The following TMEM242 variants were observed in gnomAD, a reference collection of about 807,000 sequenced individuals.
TMEM242 encodes UPF0463 transmembrane protein C6orf35.
Under a neutral mutation model 18.2 loss-of-function variants are expected in TMEM242, and 10 were observed. The ratio of observed to expected loss-of-function variants is 0.55; its 90% CI spans 0.34 to 0.93. The LOEUF (loss-of-function observed/expected upper bound fraction) is 0.93, where lower values mean the gene tolerates loss of function less well. Ranked by LOEUF, TMEM242 falls within the 40% of genes least tolerant of loss-of-function variation. TMEM242 has a pLI of 0.02. For missense variants in TMEM242, 186 were observed against 175.5 expected (o/e 1.06, Z -0.34); for synonymous variants, 57 against 69.9 (o/e 0.81, Z 0.92).
At chr6:157,319,419 T>C (rs1778458481) in intron 2 of TMEM242, among the ~76,000 whole-genome samples, 1 of 152,218 alleles carries the variant, frequency 6.6e-6, no homozygotes, top group Non-Finnish European at 1.5e-5. Flanking sequence ...GACTGATGTA[T>C]AAATGCAGGA....
intron 3 of TMEM242, among the ~76,000 whole-genome samples, chr6:157,311,117 C>T (rs1554248611): frequency 1.3e-5 from 2 of 150,254 alleles, no homozygotes; most frequent in East Asian, 1.9e-4. Flanking sequence ...AGTGTGCACT[C>T]ACCTAGCCCC....
chr6:157,311,410 T>G (rs75588594), intron 3 of TMEM242, among the ~76,000 whole-genome samples: 1 of 14,832 alleles, frequency 6.7e-5, no homozygotes, highest in East Asian at 2.1e-3. Context: ...ATCATAGTGT[T>G]CCAGTGTGCA....
intron 3 of TMEM242, among the ~76,000 whole-genome samples, chr6:157,311,291 G>T (rs797043236): frequency 0.013 from 47 of 3,500 alleles, 1 homozygote; most frequent in East Asian, 0.042. Flanking sequence ...TGCACACACC[G>T]AGCCTCATTA....
intron 3 of TMEM242, among the ~76,000 whole-genome samples, chr6:157,312,082 CAT>C (rs1554249102): frequency 1.1e-4 from 11 of 102,116 alleles, no homozygotes; most frequent in East Asian, 3.1e-4. Flanking sequence ...CTAGCCTCAA[CAT>C]AGTGCCCTAG....
At position 157,321,011 on chromosome 6, in the gene TMEM242, T is replaced by C. The variant is rs201784713; in HGVS notation, c.189+1694A>G. On this transcript the variant is annotated intron_variant, in intron 2 of 3. Coordinates refer to ENST00000400788, the MANE Select transcript of TMEM242 (RefSeq NM_018452.6). The stretch of plus-strand genomic sequence containing the variant: ...TATTTCCCATTTCTTTTTTTTTTTT[T>C]CTTTTTTTTTTTTTTGAGACGGAGT... 1.9e-3 allele frequency among the ~76,000 whole-genome samples: 271 copies of C among 142,894 alleles called. 1 individual carries two copies. The highest frequency in any genetic ancestry group is 7.1e-3 in the Admixed American group (101 of 14,284). The allele number at this position is 142,894 out of a possible 152,430, so 93.7% of individuals were successfully genotyped here. A position where few individuals can be genotyped will look rare whatever the true frequency, so the allele number is the denominator to read the frequency against.
intron 3 of TMEM242, among the ~76,000 whole-genome samples, chr6:157,310,815 T>A (rs1554248460): frequency 2.0e-5 from 3 of 151,448 alleles, no homozygotes; most frequent in African/African-American, 7.3e-5. Flanking sequence ...GGTCCCAGTG[T>A]GCACTCACCC....
chr6:157,310,647 C>T (rs1562382046), intron 3 of TMEM242, among the ~76,000 whole-genome samples: 3 of 149,984 alleles, frequency 2.0e-5, no homozygotes, highest in Admixed American at 6.6e-5. Context: ...TCCCAGTGTT[C>T]GCTCACCCGG....
At chr6:157,299,766 C>T in intron 3 of TMEM242, 1 of 1,602,042 alleles carries the variant, frequency 6.2e-7, no homozygotes, top group South Asian at 1.1e-5. Context: ...ACAAGGTAAT[C>T]TTTGCTACAA....
intron 2 of TMEM242, among the ~76,000 whole-genome samples, chr6:157,322,420 G>A (rs1049236414): frequency 6.6e-6 from 1 of 152,122 alleles, no homozygotes; most frequent in Non-Finnish European, 1.5e-5. Context: ...CATGAACCAC[G>A]ATGCCTGGCC....
chr6:157,309,741 C>G lies in TMEM242; in HGVS notation c.327+9041G>C, dbSNP rs1777967143. On this transcript the variant is annotated intron_variant, in intron 3 of 3. Transcript: ENST00000400788. ...GGGGTAAAAAAACAAATCAAAAACTCCCTTCATTTATACATTAATTTAAAA... is the reference window on the plus strand; with the variant it reads ...GGGGTAAAAAAACAAATCAAAAACTGCCTTCATTTATACATTAATTTAAAA... Among the ~76,000 whole-genome samples the G allele has an allele frequency of 1.3e-5, 2 of 148,628 alleles. 1 individual carries two copies. Among genetic ancestry groups the G allele is most frequent in the South Asian group, 4.3e-4 (2 of 4,682 alleles).
chr6:157,322,284 C>T (rs915906389), intron 2 of TMEM242, among the ~76,000 whole-genome samples: 2 of 152,154 alleles, frequency 1.3e-5, no homozygotes, highest in African/African-American at 2.4e-5. Flanking sequence ...GAGTGCCACA[C>T]CACACCTGGC....
Position 157,323,427 on chromosome 6 carries a change from G to A in TMEM242, c.73C>T (p.Leu25Phe). Reference sequence around the variant, plus strand: ...CACATCTTACCTTTAACCAGGAAAAGCCGGTCATTCGTGGACCCCGGAGCC... The same window carrying A: ...CACATCTTACCTTTAACCAGGAAAAACCGGTCATTCGTGGACCCCGGAGCC... Reference protein sequence around the residue: ...LEAPGSTNDRLFLVKGGIFLG... With the variant: ...LEAPGSTNDRFFLVKGGIFLG... The change falls in exon 1 of 4, where the codon CTT becomes TTT. Residue 25 changes from leucine to phenylalanine, a missense_variant. Transcript: ENST00000400788. The A allele has an allele frequency of 6.2e-7, 1 of 1,614,130 alleles. No homozygotes were observed. Among genetic ancestry groups the A allele is most frequent in the Non-Finnish European group, 8.5e-7 (1 of 1,179,976 alleles).
At chr6:157,298,447 C>G (rs587723212) in intron 3 of TMEM242, among the ~76,000 whole-genome samples, 1 of 152,300 alleles carries the variant, frequency 6.6e-6, no homozygotes, top group African/African-American at 2.4e-5. Flanking sequence ...ATTTTCATAT[C>G]TTAACCAAAT....
chr6:157,314,554 C>T (rs587767392), intron 3 of TMEM242, among the ~76,000 whole-genome samples: 1 of 152,260 alleles, frequency 6.6e-6, no homozygotes, highest in East Asian at 1.9e-4. Flanking sequence ...GCTTGTTGGC[C>T]AGGGTGGGCC....
At chr6:157,295,977 G>A (rs372269504) in intron 3 of TMEM242, among the ~76,000 whole-genome samples, 27 of 152,216 alleles carry the variant, frequency 1.8e-4, no homozygotes, top group South Asian at 4.1e-4. Context: ...CCTTCACATC[G>A]TTTCCACCTA....
intron 3 of TMEM242, 52 bp downstream of exon 3, chr6:157,318,730 C>T (rs1554250550): frequency 1.2e-6 from 2 of 1,607,588 alleles, no homozygotes; most frequent in African/African-American, 2.7e-5. Context: ...ATTTAGAACA[C>T]AGTAAGCAGA....
rs587661564 is a variant in TMEM242, at chr6:157,313,234, T to G, written c.327+5548A>C. Among the ~76,000 whole-genome samples, 531 of 138,594 alleles carry G rather than the reference T, an allele frequency of 3.8e-3. 147 individuals carry two copies. The highest frequency in any genetic ancestry group is 0.014 in the African/African-American group (505 of 35,582). 90.9% of individuals were successfully genotyped at this position (138,594 alleles called of 152,430 possible). On this transcript the variant is annotated intron_variant, in intron 3 of 3. Transcript: ENST00000400788. Reference sequence around the variant, plus strand: ...AGTGTGCCCTCACCTGGCCTCATCATAGTGTCGCAGAGTGTGCTCACCTGG... The same window carrying G: ...AGTGTGCCCTCACCTGGCCTCATCAGAGTGTCGCAGAGTGTGCTCACCTGG...
intron 3 of TMEM242, among the ~76,000 whole-genome samples, chr6:157,313,032 G>A (rs1554249578): frequency 6.6e-6 from 1 of 152,286 alleles, no homozygotes; most frequent in Non-Finnish European, 1.5e-5. Context: ...CCTCATCATA[G>A]TGTCCCAGTG....
chr6:157,321,763 A>G (rs1448982795), intron 2 of TMEM242, among the ~76,000 whole-genome samples: 1 of 150,814 alleles, frequency 6.6e-6, no homozygotes, highest in Non-Finnish European at 1.5e-5. Context: ...TATTAAAAAG[A>G]TCAGTGAGCC....
Sources: gnomAD v4.1 joint callset for allele counts (sites outside exome capture counted in the v4.1 genomes callset) on GRCh38, gnomAD v4.1.1 for gene constraint, MANE v1.5 for transcripts, NCBI Gene and HGNC (gene_info 2026-07-23, HGNC 2026-07-21) for gene names.